The following CNTNAP2 variants were observed in gnomAD, a reference collection of about 807,000 sequenced individuals.
The protein encoded by CNTNAP2 is contactin associated protein 2.
Under a neutral mutation model 155.2 loss-of-function variants are expected in CNTNAP2, and 98 were observed. The observed-to-expected ratio is 0.63, with a 90% CI of 0.54 to 0.75. CNTNAP2 has a LOEUF of 0.75. Among genes scored for constraint, CNTNAP2 ranks in the 30% least tolerant of loss-of-function variants. CNTNAP2 has a pLI of 0.00. For missense variants in CNTNAP2, 1,727 were observed against 1,688.1 expected, an observed-to-expected ratio of 1.02 and a Z score of -0.40; for synonymous variants, 651 against 631.2, an observed-to-expected ratio of 1.03 and a Z score of -0.47.
intron 2 of CNTNAP2, among the ~76,000 whole-genome samples, chr7:146,821,878 T>C (rs1803291067): frequency 6.6e-6 from 1 of 151,540 alleles, no homozygotes; most frequent in Non-Finnish European, 1.5e-5. Context: ...TTGGTGGGAC[T>C]GTAAACTAGT....
intron 13 of CNTNAP2, among the ~76,000 whole-genome samples, chr7:147,675,172 G>T (rs1457653024): frequency 6.6e-6 from 1 of 151,944 alleles, no homozygotes; most frequent in Non-Finnish European, 1.5e-5. Flanking sequence ...GCTTTTGGTG[G>T]TATCACTCCA....
intron 1 of CNTNAP2, among the ~76,000 whole-genome samples, chr7:146,702,700 T>G (rs1407408730): frequency 6.6e-6 from 1 of 152,154 alleles, no homozygotes; most frequent in Non-Finnish European, 1.5e-5. Flanking sequence ...TAAACTTCAA[T>G]TATCTGGAAA....
intron 1 of CNTNAP2, among the ~76,000 whole-genome samples, chr7:146,496,363 A>G (rs954245201): frequency 2.0e-5 from 3 of 152,204 alleles, no homozygotes; most frequent in Non-Finnish European, 2.9e-5. Context: ...GAGTTTATAA[A>G]ATTGATCTTT....
chr7:148,406,039 T>C (rs1799697250), intron 22 of CNTNAP2, among the ~76,000 whole-genome samples: 1 of 151,854 alleles, frequency 6.6e-6, no homozygotes, highest in Admixed American at 6.6e-5. Flanking sequence ...GAGACCATCT[T>C]GGATAACACG....
At chr7:147,632,846 T>C (rs1414502945) in intron 12 of CNTNAP2, among the ~76,000 whole-genome samples, 1 of 152,176 alleles carries the variant, frequency 6.6e-6, no homozygotes, top group Non-Finnish European at 1.5e-5. Flanking sequence ...TGAAGTCTAG[T>C]CTGAGGTGGT....
chr7:146,287,354 T>C (rs1800353036), intron 1 of CNTNAP2, among the ~76,000 whole-genome samples: 1 of 152,138 alleles, frequency 6.6e-6, no homozygotes, highest in Non-Finnish European at 1.5e-5. Flanking sequence ...ATTGGAAGGC[T>C]TGCTTGGCGA....
chr7:146,876,146 C>T (rs1795424045), intron 3 of CNTNAP2, among the ~76,000 whole-genome samples: 1 of 151,798 alleles, frequency 6.6e-6, no homozygotes, highest in Non-Finnish European at 1.5e-5. Flanking sequence ...TTAAATCAGT[C>T]AGGACTGAGA....
At chr7:147,028,127 G>C (rs1336263657) in intron 3 of CNTNAP2, among the ~76,000 whole-genome samples, 2 of 152,130 alleles carry the variant, frequency 1.3e-5, no homozygotes, top group Non-Finnish European at 2.9e-5. Context: ...ATACAAATGG[G>C]ATCACAGTCT....
chr7:147,203,990 GA>G (rs1413841031), intron 8 of CNTNAP2, among the ~76,000 whole-genome samples: 1 of 152,006 alleles, frequency 6.6e-6, no homozygotes, highest in Non-Finnish European at 1.5e-5. Flanking sequence ...AGATAGCTTA[GA>G]AAATTAAAAA....
intron 18 of CNTNAP2, among the ~76,000 whole-genome samples, chr7:148,181,443 G>T (rs533665630): frequency 2.9e-4 from 44 of 152,242 alleles, no homozygotes; most frequent in Non-Finnish European, 5.4e-4. Context: ...TATGGAAAAA[G>T]AAAATAATTT....
At chr7:146,601,119 A>G (rs1798943518) in intron 1 of CNTNAP2, among the ~76,000 whole-genome samples, 2 of 152,276 alleles carry the variant, frequency 1.3e-5, no homozygotes. Flanking sequence ...TAATTTTAGA[A>G]GCAGATTGCA....
rs532627130 is a variant in CNTNAP2, at chr7:146,145,523, C to T, written c.97+28550C>T. Among the ~76,000 whole-genome samples the T allele has an allele frequency of 2.0e-5, 3 of 152,222 alleles. No individual in the cohort carries two copies. In the East Asian group the frequency reaches 5.8e-4, roughly 29 times the overall value. On this transcript the variant is annotated intron_variant, in intron 1 of 23. Transcript: ENST00000361727. ...AAAAGTACCAAAGTCTTTTTGTGTC[C>T]TTGATGTGGATTGAATAGAGTGAGA...
chr7:147,885,115 G>A (rs1476351972), intron 13 of CNTNAP2, among the ~76,000 whole-genome samples: 1 of 152,194 alleles, frequency 6.6e-6, no homozygotes, highest in Non-Finnish European at 1.5e-5. Flanking sequence ...GGTAAAAACC[G>A]CAGTTACTTT....
chr7:146,479,888 G>A (rs1164177076), intron 1 of CNTNAP2, among the ~76,000 whole-genome samples: 1 of 152,098 alleles, frequency 6.6e-6, no homozygotes, highest in African/African-American at 2.4e-5. Flanking sequence ...GTGTTCAAAC[G>A]ATTCTTCTGC....
chr7:146,323,375 T>C (rs185941619), intron 1 of CNTNAP2, among the ~76,000 whole-genome samples: 1 of 152,230 alleles, frequency 6.6e-6, no homozygotes, highest in African/African-American at 2.4e-5. Flanking sequence ...ATGCAATATC[T>C]TTATTCTTGA....
chr7:148,385,498 G>T (rs980177795), intron 22 of CNTNAP2, among the ~76,000 whole-genome samples: 1 of 152,164 alleles, frequency 6.6e-6, no homozygotes, highest in Non-Finnish European at 1.5e-5. Flanking sequence ...ATCTTTGCAA[G>T]GCAGGAGTCC....
chr7:146,641,941 T>G (rs1799715436), intron 1 of CNTNAP2, among the ~76,000 whole-genome samples: 1 of 152,066 alleles, frequency 6.6e-6, no homozygotes, highest in Admixed American at 6.6e-5. Context: ...TTAAAAAAAG[T>G]TTTAAAATTA....
chr7:147,661,293 T>C (rs1411248821), intron 13 of CNTNAP2, among the ~76,000 whole-genome samples: 1 of 152,178 alleles, frequency 6.6e-6, no homozygotes, highest in Non-Finnish European at 1.5e-5. Flanking sequence ...AATTCTTGAA[T>C]TTTAATTTTA....
At chr7:147,995,730 G>C (rs898001691) in intron 15 of CNTNAP2, among the ~76,000 whole-genome samples, 2 of 151,950 alleles carry the variant, frequency 1.3e-5, no homozygotes, top group African/African-American at 4.8e-5. Context: ...AGCCAGGATG[G>C]TCACAATCTC....
Sources: allele counts gnomAD v4.1 joint callset (sites outside exome capture counted in the v4.1 genomes callset), GRCh38; gene constraint gnomAD v4.1.1; transcripts MANE v1.5; gene names NCBI Gene and HGNC (gene_info 2026-07-23, HGNC 2026-07-21).